The following HPSE2 variants were observed in gnomAD, a reference collection of about 807,000 sequenced individuals.
HPSE2 encodes heparanase 2 (inactive).
In HPSE2, 38 loss-of-function variants were observed where a neutral mutation model predicts 60.5. The ratio of observed to expected loss-of-function variants is 0.63; its 90% CI spans 0.48 to 0.82. The LOEUF is 0.82. Among genes scored for constraint, HPSE2 ranks in the 40% least tolerant of loss-of-function variants. The pLI is 0.00. For missense variants in HPSE2, 713 were observed against 740.4 expected (o/e 0.96, Z 0.43); for synonymous variants, 295 against 293.2 (o/e 1.01, Z -0.06).
intron 3 of HPSE2, among the ~76,000 whole-genome samples, chr10:98,812,964 G>A (rs1027626655): frequency 1.3e-5 from 2 of 152,042 alleles, no homozygotes; most frequent in Non-Finnish European, 2.9e-5. Context: ...ACAGCAGCAG[G>A]GCATGAACCA....
intron 3 of HPSE2, among the ~76,000 whole-genome samples, chr10:98,899,010 C>T (rs556301435): frequency 3.9e-5 from 6 of 152,272 alleles, no homozygotes; most frequent in Admixed American, 3.9e-4. Flanking sequence ...CACCTAAATG[C>T]AAAACATAAA....
intron 3 of HPSE2, among the ~76,000 whole-genome samples, chr10:98,799,623 CAA>C (rs1950860445): frequency 6.6e-6 from 1 of 151,562 alleles, no homozygotes; most frequent in Non-Finnish European, 1.5e-5. Flanking sequence ...AAATTAATAA[CAA>C]GAGGAATTTT....
At chr10:98,539,806 T>G (rs1259513081) in intron 9 of HPSE2, among the ~76,000 whole-genome samples, 1 of 152,204 alleles carries the variant, frequency 6.6e-6, no homozygotes, top group African/African-American at 2.4e-5. Flanking sequence ...CCTAAGCACT[T>G]TGATTCTTCT....
intron 2 of HPSE2, among the ~76,000 whole-genome samples, chr10:99,221,070 C>T (rs1034059309): frequency 6.6e-6 from 1 of 151,952 alleles, no homozygotes; most frequent in African/African-American, 2.4e-5. Context: ...GTCTCAAACT[C>T]CTGACCTCAG....
intron 3 of HPSE2, among the ~76,000 whole-genome samples, chr10:99,130,006 C>T (rs1184681370): frequency 8.6e-5 from 13 of 151,982 alleles, no homozygotes; most frequent in African/African-American, 3.1e-4. Flanking sequence ...AACACCTTTA[C>T]GTGCACAAAC....
At chr10:98,824,694 G>A (rs1054854753) in intron 3 of HPSE2, among the ~76,000 whole-genome samples, 5 of 152,146 alleles carry the variant, frequency 3.3e-5, no homozygotes, top group African/African-American at 1.2e-4. Flanking sequence ...TATTCAGCTT[G>A]TCCATCTGAG....
intron 2 of HPSE2, among the ~76,000 whole-genome samples, chr10:99,224,497 G>A (rs1849410038): frequency 6.6e-6 from 1 of 151,554 alleles, no homozygotes; most frequent in Non-Finnish European, 1.5e-5. Flanking sequence ...TGAGATAGCT[G>A]AAAGCATGAT....
At chr10:99,195,531 C>T (rs1221865158) in intron 2 of HPSE2, among the ~76,000 whole-genome samples, 1 of 151,402 alleles carries the variant, frequency 6.6e-6, no homozygotes, top group East Asian at 1.9e-4. Context: ...ATGAAATCAA[C>T]ATACAAAAAT....
At chr10:98,639,703 G>A (rs995465336) in intron 7 of HPSE2, among the ~76,000 whole-genome samples, 4 of 152,176 alleles carry the variant, frequency 2.6e-5, no homozygotes, top group Admixed American at 6.5e-5. Flanking sequence ...TATGCAGTGC[G>A]GGACGGTAAT....
In HPSE2 at chr10:98,933,256, C is replaced by G. The variant is rs1310537666; in HGVS notation, c.611-189200G>C. Among the ~76,000 whole-genome samples, 11 of 144,000 alleles carry G rather than the reference C, an allele frequency of 7.6e-5. 3 individuals are homozygous for G. Among genetic ancestry groups the G allele is most frequent in the African/African-American group, 3.1e-4 (11 of 35,336 alleles). 94.5% of individuals were successfully genotyped at this position (144,000 alleles called of 152,430 possible). On this transcript the variant is annotated intron_variant, in intron 3 of 11. Transcript: ENST00000370552. ...CATTCAGGAGCAGGTTGTTCAATTT[C>G]CATGTAGTGGTGTGGTTTTGAGTGG... is the stretch of plus-strand genomic sequence containing the variant.
intron 3 of HPSE2, among the ~76,000 whole-genome samples, chr10:99,012,722 T>C (rs529118316): frequency 1.3e-3 from 204 of 152,300 alleles, no homozygotes; most frequent in Non-Finnish European, 2.7e-3. Flanking sequence ...TGTGCTGATT[T>C]GTATTTTGAC....
intron 3 of HPSE2, among the ~76,000 whole-genome samples, chr10:99,051,910 T>G (rs1383812971): frequency 6.6e-6 from 1 of 151,716 alleles, no homozygotes; most frequent in Non-Finnish European, 1.5e-5. Flanking sequence ...TACACTAGTT[T>G]AAGGTGATCA....
chr10:99,304,724 T>C, the HPSE2 span, among the ~76,000 whole-genome samples: 2 of 152,242 alleles, frequency 1.3e-5, no homozygotes, highest in African/African-American at 4.8e-5. Context: ...ATTTGGGGTA[T>C]GTGCTCACTC....
rs184964826 is a variant in HPSE2, at chr10:98,801,520, C to T, written c.611-57464G>A. Reference sequence around the variant, plus strand: ...AGTAAGTTGCAGGATACAAAATCAACATGAAAAAACCAGTAGTATTTCTAT... The same window carrying T: ...AGTAAGTTGCAGGATACAAAATCAATATGAAAAAACCAGTAGTATTTCTAT... On this transcript the variant is annotated intron_variant, in intron 3 of 11. Transcript: ENST00000370552. 1.0e-3 allele frequency among the ~76,000 whole-genome samples: 153 copies of T among 152,068 alleles called. 1 individual carries two copies. Among genetic ancestry groups the T allele is most frequent in the Non-Finnish European group, 1.6e-3 (106 of 67,974 alleles).
At chr10:99,222,424 C>A (rs1165172130) in intron 2 of HPSE2, among the ~76,000 whole-genome samples, 1 of 152,134 alleles carries the variant, frequency 6.6e-6, no homozygotes, top group Non-Finnish European at 1.5e-5. Flanking sequence ...GAAGAAAAGG[C>A]TTTCTTGAAA....
At chr10:99,123,614 T>G (rs957926458) in intron 3 of HPSE2, among the ~76,000 whole-genome samples, 9 of 152,198 alleles carry the variant, frequency 5.9e-5, no homozygotes, top group Admixed American at 6.5e-5. Context: ...GTTCTTGTCC[T>G]GTGTCCAGGA....
At chr10:99,227,869 ATGTGTG>A (rs34836739) in intron 2 of HPSE2, among the ~76,000 whole-genome samples, 4,412 of 142,390 alleles carry the variant, frequency 0.031, 230 homozygotes, top group African/African-American at 0.11. Flanking sequence ...ATGTGTATAT[ATGTGTG>A]TGTGTGTGTG....
intron 3 of HPSE2, among the ~76,000 whole-genome samples, chr10:99,084,631 G>A (rs544702482): frequency 6.6e-6 from 1 of 152,048 alleles, no homozygotes; most frequent in African/African-American, 2.4e-5. Flanking sequence ...TTTGCATGAG[G>A]CCATCAATTT....
chr10:98,590,014 G>T (rs954510677), intron 9 of HPSE2, among the ~76,000 whole-genome samples: 4 of 152,198 alleles, frequency 2.6e-5, no homozygotes, highest in Admixed American at 6.5e-5. Context: ...AAGAGATGAG[G>T]TTAATTAGAA....
Sources: allele counts gnomAD v4.1 joint callset (sites outside exome capture counted in the v4.1 genomes callset), GRCh38; gene constraint gnomAD v4.1.1; transcripts MANE v1.5; gene names NCBI Gene and HGNC (gene_info 2026-07-23, HGNC 2026-07-21).